EPHA6: variants seen among roughly 807,000 people sequenced by gnomAD.
EPHA6 encodes EPH receptor A6.
Under a neutral mutation model 112.0 loss-of-function variants are expected in EPHA6, and 50 were observed. The observed-to-expected ratio is 0.45, with a 90% CI of 0.36 to 0.56. EPHA6 has a LOEUF of 0.56. Among genes scored for constraint, EPHA6 ranks in the 20% least tolerant of loss-of-function variants. The pLI is 0.00. For synonymous variants in EPHA6, 529 were observed against 490.7 expected (o/e 1.08, Z -1.03); for missense variants, 1,280 against 1,417.4 (o/e 0.90, Z 1.56).
intron 12 of EPHA6, among the ~76,000 whole-genome samples, chr3:97,594,152 A>G (rs974892815): frequency 4.6e-5 from 7 of 152,206 alleles, no homozygotes; most frequent in African/African-American, 1.2e-4. Flanking sequence ...TTAATGACAA[A>G]TCTTGGTCAA....
chr3:97,649,471 T>C (rs956938196), intron 14 of EPHA6, among the ~76,000 whole-genome samples: 4 of 151,928 alleles, frequency 2.6e-5, no homozygotes, highest in Non-Finnish European at 5.9e-5. Context: ...ATATATAGAA[T>C]ATAAGAACAA....
intron 5 of EPHA6, among the ~76,000 whole-genome samples, chr3:97,254,935 C>G (rs9861549): frequency 0.063 from 9,587 of 152,182 alleles, 1,054 homozygotes; most frequent in African/African-American, 0.22. Flanking sequence ...TAGACAGGAA[C>G]ACCATCAGTA....
rs1460102526 is a variant in EPHA6 at position 97,646,005 on chromosome 3, T to C, written c.2784+7923T>C. 5 of 723,410 alleles carry C rather than the reference T, an allele frequency of 6.9e-6. No homozygotes were observed. In the African/African-American group the frequency reaches 7.4e-5, roughly 11 times the overall value. 44.8% of individuals were successfully genotyped at this position (723,410 alleles called of 1,614,324 possible). A position where few individuals can be genotyped will look rare whatever the true frequency, so the allele number is the denominator to read the frequency against. On this transcript the variant is annotated intron_variant, in intron 14 of 17. Coordinates refer to ENST00000389672, the MANE Select transcript of EPHA6 (RefSeq NM_001080448.3). Reference sequence around the variant, plus strand: ...GGGGCAGTTGTTGGGGAGAGGTTTGTAATCTTCAAGAAAAAAATATCTTTA... The same window carrying C: ...GGGGCAGTTGTTGGGGAGAGGTTTGCAATCTTCAAGAAAAAAATATCTTTA...
chr3:97,191,488 T>C (rs1325047920), intron 3 of EPHA6, among the ~76,000 whole-genome samples: 1 of 152,044 alleles, frequency 6.6e-6, no homozygotes, highest in East Asian at 1.9e-4. Flanking sequence ...TCCCAGCCTC[T>C]GGTAATGATC....
At chr3:97,632,428 A>C (rs373567991) in intron 13 of EPHA6, among the ~76,000 whole-genome samples, 1 of 152,012 alleles carries the variant, frequency 6.6e-6, no homozygotes, top group East Asian at 1.9e-4. Context: ...AAGGTTTGAG[A>C]TCTATTTTAG....
At chr3:97,447,383 A>G (rs942352938) in intron 6 of EPHA6, among the ~76,000 whole-genome samples, 7 of 152,178 alleles carry the variant, frequency 4.6e-5, no homozygotes, top group African/African-American at 1.7e-4. Flanking sequence ...GAATTTAAGC[A>G]TCAAATGAAT....
At chr3:97,135,420 C>T (rs1017469967) in intron 3 of EPHA6, among the ~76,000 whole-genome samples, 2 of 152,072 alleles carry the variant, frequency 1.3e-5, no homozygotes, top group Admixed American at 1.3e-4. Context: ...AAACCATTTT[C>T]ACTTCAAAAA....
chr3:97,663,994 C>T (rs2094188449), intron 14 of EPHA6, among the ~76,000 whole-genome samples: 1 of 152,172 alleles, frequency 6.6e-6, no homozygotes, highest in South Asian at 2.1e-4. Context: ...TCTCCAGCAC[C>T]TGTTGTTTCC....
chr3:97,325,925 C>T (rs1051366561), intron 5 of EPHA6, among the ~76,000 whole-genome samples: 3 of 151,950 alleles, frequency 2.0e-5, no homozygotes, highest in Non-Finnish European at 4.4e-5. Flanking sequence ...TAAAAAGGTA[C>T]TGCATGTTAC....
At chr3:96,989,567 C>T (rs1028349815) in intron 3 of EPHA6, among the ~76,000 whole-genome samples, 5 of 152,110 alleles carry the variant, frequency 3.3e-5, no homozygotes, top group Admixed American at 2.0e-4. Context: ...GCTATAAGAA[C>T]TTCCTGAGAC....
intron 3 of EPHA6, among the ~76,000 whole-genome samples, chr3:97,132,959 G>T (rs936056442): frequency 6.6e-6 from 1 of 151,946 alleles, no homozygotes; most frequent in Non-Finnish European, 1.5e-5. Flanking sequence ...TCAAGGTAAC[G>T]TTTTACTCTC....
At chr3:97,578,290 A>G (rs905407583) in intron 11 of EPHA6, among the ~76,000 whole-genome samples, 2 of 152,108 alleles carry the variant, frequency 1.3e-5, no homozygotes, top group East Asian at 3.9e-4. Context: ...ATCCTTCGAC[A>G]TACTGAACAG....
rs542234904 is a variant in EPHA6 at position 96,879,278 on chromosome 3, T to C, written c.450+12389T>C. On this transcript the variant is annotated intron_variant, in intron 2 of 17. Coordinates refer to ENST00000389672, the MANE Select transcript of EPHA6 (RefSeq NM_001080448.3). ...CATAATGCTGGATACAAGATCAATA[T>C]ATGAATTCAAATTTATTTCTATCTA... Among the ~76,000 whole-genome samples the C allele has an allele frequency of 6.0e-4, 92 of 152,180 alleles. 2 individuals are homozygous for C. In the South Asian group the frequency reaches 0.018, roughly 29 times the overall value.
At chr3:97,162,899 C>T (rs79566025) in intron 3 of EPHA6, among the ~76,000 whole-genome samples, 10,058 of 152,166 alleles carry the variant, frequency 0.066, 377 homozygotes, top group Middle Eastern at 0.13. Context: ...TAGTCCTTCT[C>T]GACTCAGATT....
At chr3:96,900,445 T>G (rs1419730193) in intron 2 of EPHA6, among the ~76,000 whole-genome samples, 1 of 152,188 alleles carries the variant, frequency 6.6e-6, no homozygotes, top group African/African-American at 2.4e-5. Context: ...ATACATATCT[T>G]TTTTCCCAAT....
chr3:96,889,066 A>G (rs577010410), intron 2 of EPHA6, among the ~76,000 whole-genome samples: 2 of 152,274 alleles, frequency 1.3e-5, no homozygotes, highest in East Asian at 1.9e-4. Flanking sequence ...TTGCTAAAAC[A>G]TAACAAGAAT....
chr3:97,371,288 G>A (rs1017099754), intron 5 of EPHA6, among the ~76,000 whole-genome samples: 3 of 152,094 alleles, frequency 2.0e-5, no homozygotes, highest in Admixed American at 1.3e-4. Flanking sequence ...GGGGTGTTAC[G>A]GGAAGTCAGG....
chr3:97,364,430 G>A (rs1174768507), intron 5 of EPHA6, among the ~76,000 whole-genome samples: 1 of 151,186 alleles, frequency 6.6e-6, no homozygotes, highest in Non-Finnish European at 1.5e-5. Flanking sequence ...AGAAAGCAGG[G>A]CAAATTTGAG....
chr3:97,468,536 A>G (rs2091130733), intron 7 of EPHA6, among the ~76,000 whole-genome samples: 1 of 151,560 alleles, frequency 6.6e-6, no homozygotes, highest in African/African-American at 2.4e-5. Context: ...AAAGAAAGAT[A>G]TCAGTATAAT....
Sources: gnomAD v4.1 joint callset for allele counts (sites outside exome capture counted in the v4.1 genomes callset) on GRCh38, gnomAD v4.1.1 for gene constraint, MANE v1.5 for transcripts, NCBI Gene and HGNC (gene_info 2026-07-23, HGNC 2026-07-21) for gene names.